Variants in HS3ST5 observed in about 807,000 individuals in gnomAD.
The protein encoded by HS3ST5 is heparan sulfate glucosamine 3-O-sulfotransferase 5.
In HS3ST5, 10 loss-of-function variants were observed where a neutral mutation model predicts 25.4. The ratio of observed to expected loss-of-function variants is 0.39; its 90% confidence interval spans 0.24 to 0.67. The LOEUF (loss-of-function observed/expected upper bound fraction) is 0.67, where lower values mean the gene tolerates loss of function less well. HS3ST5 is among the 30% of genes least tolerant of loss of function. The pLI, the probability that HS3ST5 is intolerant of heterozygous loss-of-function variation, is 0.44. For missense variants in HS3ST5, 324 were observed against 420.7 expected (o/e 0.77, Z 2.01); for synonymous variants, 170 against 162.4 (o/e 1.05, Z -0.36).
chr6:114,309,503 C>G (rs1385656811), intron 1 of HS3ST5, among the ~76,000 whole-genome samples: 1 of 152,152 alleles, frequency 6.6e-6, no homozygotes. Flanking sequence ...ACTTTTGAGG[C>G]AGGCAGAGCA....
At chr6:114,262,912 A>G (rs1315381018) in intron 1 of HS3ST5, among the ~76,000 whole-genome samples, 1 of 152,170 alleles carries the variant, frequency 6.6e-6, no homozygotes, top group African/African-American at 2.4e-5. Context: ...TGACATTTGA[A>G]GATTTTTCTA....
At chr6:114,234,312 T>A (rs1241093617) in intron 1 of HS3ST5, among the ~76,000 whole-genome samples, 1 of 148,514 alleles carries the variant, frequency 6.7e-6, no homozygotes, top group African/African-American at 2.4e-5. Context: ...AAAATTAATA[T>A]ATATAATATA....
At chr6:114,100,963 T>G (rs1775700025) in intron 3 of HS3ST5, among the ~76,000 whole-genome samples, 1 of 152,228 alleles carries the variant, frequency 6.6e-6, no homozygotes, top group Admixed American at 6.5e-5. Flanking sequence ...GGCCTTTCTA[T>G]AAATTAAAAG....
intron 1 of HS3ST5, among the ~76,000 whole-genome samples, chr6:114,311,539 CT>C (rs11463610): frequency 0.23 from 19,184 of 83,552 alleles, 412 homozygotes; most frequent in Non-Finnish European, 0.27. Context: ...TTCTCTCTCT[CT>C]TTTTTTTTTT....
In HS3ST5 at chr6:114,198,793, A is replaced by G. The variant is rs529368977; in HGVS notation, c.-145+29792T>C. ...TTAATGGAAATATCTGCTACTTAGT[A>G]CAAGTTTTTTTTTTAATAAATGCAT... On this transcript the variant is annotated intron_variant, in intron 2 of 4. Transcript: ENST00000312719. Among the ~76,000 whole-genome samples, 12 of 152,286 alleles carry G rather than the reference A, an allele frequency of 7.9e-5. No individual in the cohort carries two copies. In the South Asian group the frequency reaches 2.5e-3, roughly 32 times the overall value.
chr6:114,219,116 A>G (rs1781909889), intron 2 of HS3ST5, among the ~76,000 whole-genome samples: 1 of 152,230 alleles, frequency 6.6e-6, no homozygotes, highest in South Asian at 2.1e-4. Context: ...GCAAATCCTC[A>G]TTCACAATAA....
chr6:114,207,661 C>T (rs570181074), intron 2 of HS3ST5, among the ~76,000 whole-genome samples: 76 of 152,188 alleles, frequency 5.0e-4, no homozygotes, highest in Non-Finnish European at 9.3e-4. Flanking sequence ...GGACAAAAGA[C>T]TCCCCTGCCT....
At chr6:114,169,028 G>T (rs781123017) in intron 2 of HS3ST5, among the ~76,000 whole-genome samples, 10 of 151,916 alleles carry the variant, frequency 6.6e-5, no homozygotes, top group African/African-American at 1.2e-4. Flanking sequence ...CTAAAGTGTT[G>T]TATTAGTGGG....
chr6:114,287,892 C>G (rs1182562649), intron 1 of HS3ST5, among the ~76,000 whole-genome samples: 3 of 151,874 alleles, frequency 2.0e-5, no homozygotes, highest in Admixed American at 2.0e-4. Context: ...ATGAGAATGT[C>G]CCCTTTGTCC....
intron 1 of HS3ST5, among the ~76,000 whole-genome samples, chr6:114,255,869 A>T (rs1330160300): frequency 6.6e-6 from 1 of 152,074 alleles, no homozygotes; most frequent in Non-Finnish European, 1.5e-5. Flanking sequence ...CTGTGCTGGG[A>T]GGGGCTGCTG....
chr6:114,193,422 C>T (rs566431849), intron 2 of HS3ST5, among the ~76,000 whole-genome samples: 6 of 152,274 alleles, frequency 3.9e-5, no homozygotes, highest in African/African-American at 1.4e-4. Flanking sequence ...GAGAAAACCT[C>T]GCAGAACACA....
chr6:114,083,683 T>C (rs1774595314), intron 3 of HS3ST5, among the ~76,000 whole-genome samples: 1 of 152,224 alleles, frequency 6.6e-6, no homozygotes, highest in South Asian at 2.1e-4. Context: ...AGAAATCTTT[T>C]CATTTATCTT....
At chr6:114,192,873 C>A (rs891121505) in intron 2 of HS3ST5, among the ~76,000 whole-genome samples, 12 of 152,170 alleles carry the variant, frequency 7.9e-5, no homozygotes, top group African/African-American at 2.9e-4. Context: ...TTACGAGCTT[C>A]TATGCAACAG....
intron 3 of HS3ST5, among the ~76,000 whole-genome samples, chr6:114,119,932 G>T (rs536176583): frequency 2.5e-4 from 38 of 152,232 alleles, no homozygotes; most frequent in African/African-American, 9.1e-4. Context: ...GGATCTCAAG[G>T]TCAGGAGTTC....
chr6:114,247,544 T>C (rs1332386336), intron 1 of HS3ST5, among the ~76,000 whole-genome samples: 1 of 152,134 alleles, frequency 6.6e-6, no homozygotes, highest in Non-Finnish European at 1.5e-5. Flanking sequence ...CTACAATCAA[T>C]TTATAAATCA....
intron 2 of HS3ST5, among the ~76,000 whole-genome samples, chr6:114,224,453 T>A (rs1782192657): frequency 6.6e-6 from 1 of 151,408 alleles, no homozygotes; most frequent in African/African-American, 2.4e-5. Flanking sequence ...TGATAATTTA[T>A]CTCTTTAGAA....
At chr6:114,084,187 G>A in intron 3 of HS3ST5, 1 of 1,016,026 alleles carries the variant, frequency 9.8e-7, no homozygotes, top group South Asian at 1.3e-5. Context: ...TTAAGTGGTT[G>A]CTCCTATCCA....
intron 3 of HS3ST5, among the ~76,000 whole-genome samples, chr6:114,110,592 A>G (rs1776220161): frequency 6.6e-6 from 1 of 152,152 alleles, no homozygotes; most frequent in Non-Finnish European, 1.5e-5. Flanking sequence ...TCAGAAATGA[A>G]TAGTGTTTGG....
At chr6:114,161,587 C>T (rs9374439) in intron 3 of HS3ST5, among the ~76,000 whole-genome samples, 1 of 93,788 alleles carries the variant, frequency 1.1e-5, no homozygotes, top group African/African-American at 4.0e-5. Flanking sequence ...AATGCAATGG[C>T]GTGTATGTGT....
Sources: allele counts gnomAD v4.1 joint callset (sites outside exome capture counted in the v4.1 genomes callset), GRCh38; gene constraint gnomAD v4.1.1; transcripts MANE v1.5; gene names NCBI Gene and HGNC (gene_info 2026-07-23, HGNC 2026-07-21).